The following DCAF6 variants were observed in gnomAD, a reference collection of about 807,000 sequenced individuals.
DCAF6 encodes the protein DDB1- and CUL4-associated factor 6.
In DCAF6, 54 loss-of-function variants were observed where a neutral mutation model predicts 125.1. That is an observed-to-expected ratio of 0.43 (90% CI 0.35 to 0.54). The LOEUF (loss-of-function observed/expected upper bound fraction) is 0.54, where lower values mean the gene tolerates loss of function less well. Among genes scored for constraint, DCAF6 ranks in the 20% least tolerant of loss-of-function variants. The probability of loss-of-function intolerance (pLI) is 0.01; values close to 1 mark genes in which losing one functional copy is unlikely to be tolerated. For missense variants in DCAF6, 934 were observed against 1,161.7 expected, an observed-to-expected ratio of 0.80 and a Z score of 2.85; for synonymous variants, 371 against 390.4, an observed-to-expected ratio of 0.95 and a Z score of 0.58.
At chr1:167,873,737 C>T in the DCAF6 span, among the ~76,000 whole-genome samples, 1 of 151,852 alleles carries the variant, frequency 6.6e-6, no homozygotes, top group Admixed American at 6.6e-5. Context: ...AAGGTAAAAA[C>T]AAAATTTCTG....
Position 168,053,496 on chromosome 1 carries a change from A to G in DCAF6, c.2300+2563A>G, listed in dbSNP as rs542613470. ...TTGATTGCTTGCTACAAAGACTCAA[A>G]AGAATCAAAGGCACTTCAATCATGG... On this transcript the variant is annotated intron_variant, in intron 17 of 21. Coordinates refer to ENST00000367840, the MANE Select transcript of DCAF6 (RefSeq NM_001198956.2). Among the ~76,000 whole-genome samples the G allele has an allele frequency of 2.5e-4, 38 of 152,340 alleles. No individual in the cohort carries two copies. The Middle Eastern group carries it at 0.017, about 68-fold the overall frequency.
upstream of DCAF6, among the ~76,000 whole-genome samples, chr1:167,934,067 C>G (rs1439846964): frequency 6.6e-6 from 1 of 152,188 alleles, no homozygotes; most frequent in Non-Finnish European, 1.5e-5. Flanking sequence ...GCTCCTTTTA[C>G]TACACTGAAA....
chr1:168,065,905 C>T (rs1692268689), intron 19 of DCAF6, among the ~76,000 whole-genome samples, 159 bp downstream of exon 19: 1 of 152,172 alleles, frequency 6.6e-6, no homozygotes, highest in African/African-American at 2.4e-5. Context: ...ACTTCAAACA[C>T]ACCTGTAATC....
At chr1:168,068,705 G>A (rs1572178143) in intron 21 of DCAF6, among the ~76,000 whole-genome samples, 1 of 152,160 alleles carries the variant, frequency 6.6e-6, no homozygotes, top group African/African-American at 2.4e-5. Flanking sequence ...ACTCTTATCA[G>A]CTGCTGTTTT....
intron 16 of DCAF6, among the ~76,000 whole-genome samples, chr1:168,047,104 A>G (rs1689230484): frequency 6.6e-6 from 1 of 152,090 alleles, no homozygotes; most frequent in East Asian, 1.9e-4. Context: ...GTTTTTTGAA[A>G]CACAGTACTA....
rs1179064045 is a variant in DCAF6, at chr1:168,055,341, T to G, written c.2300+4408T>G. On this transcript the variant is annotated intron_variant, in intron 17 of 21. Coordinates refer to ENST00000367840, the MANE Select transcript of DCAF6 (RefSeq NM_001198956.2). ...AAAAATCAGGCTTAAGTTTTTTTTT[T>G]TTTTTTTTTTTTTTTTTTTAACGAA... 7.8e-4 allele frequency among the ~76,000 whole-genome samples: 14 copies of G among 17,952 alleles called. 4 individuals are homozygous for G. Among genetic ancestry groups the G allele is most frequent in the African/African-American group, 2.2e-3 (3 of 1,386 alleles). The allele number at this position is 17,952 out of a possible 152,430, so 11.8% of individuals were successfully genotyped here. A position where few individuals can be genotyped will look rare whatever the true frequency, so the allele number is the denominator to read the frequency against.
intron 20 of DCAF6, among the ~76,000 whole-genome samples, chr1:168,067,747 C>G (rs1377858850): frequency 6.6e-6 from 1 of 152,176 alleles, no homozygotes; most frequent in Non-Finnish European, 1.5e-5. Flanking sequence ...TCCTCTCATA[C>G]TCTTTCTTTC....
the DCAF6 span, chr1:167,878,309 C>G: frequency 1.1e-6 from 1 of 922,540 alleles, no homozygotes. Context: ...ATTTTGAAGT[C>G]TGGGCCTTGG....
chr1:167,928,791 T>G, the DCAF6 span, among the ~76,000 whole-genome samples: 2 of 152,184 alleles, frequency 1.3e-5, no homozygotes, highest in Admixed American at 6.5e-5. Flanking sequence ...AAGTATAAAC[T>G]AACAGATACC....
intron 1 of DCAF6, among the ~76,000 whole-genome samples, chr1:167,939,760 G>A (rs545764275): frequency 9.8e-5 from 13 of 133,010 alleles, no homozygotes; most frequent in Non-Finnish European, 1.3e-4. Context: ...GAAACTCTGC[G>A]TCATAAATAA....
rs1571606297 is a variant in DCAF6, at chr1:167,947,653, ATTG to A, written c.98-4142_98-4140del. On this transcript the variant is annotated intron_variant, in intron 1 of 21. Coordinates refer to ENST00000367840, the MANE Select transcript of DCAF6 (RefSeq NM_001198956.2). ...TTGTCATTCAGGAGCATGTTGTTTA[ATTG>A]TTGTGTATTTGTAAGGTTTGTAAAT... Among the ~76,000 whole-genome samples the A allele has an allele frequency of 2.0e-5, 3 of 151,780 alleles. No individual in the cohort carries two copies. In the South Asian group the frequency reaches 6.2e-4, roughly 32 times the overall value.
At chr1:167,983,479 A>T (rs1449577029) in intron 4 of DCAF6, among the ~76,000 whole-genome samples, 1 of 152,166 alleles carries the variant, frequency 6.6e-6, no homozygotes, top group Non-Finnish European at 1.5e-5. Context: ...GCCTTGAACC[A>T]ATAAGCCTTC....
chr1:168,044,753 C>T (rs1372690888), intron 15 of DCAF6, 82 bp downstream of exon 15: 3 of 1,412,008 alleles, frequency 2.1e-6, no homozygotes, highest in Non-Finnish European at 3.0e-6. Context: ...TAGTTAGAGG[C>T]CATGTTCAAG....
intron 17 of DCAF6, among the ~76,000 whole-genome samples, chr1:168,063,212 C>G (rs1341181333): frequency 1.3e-5 from 2 of 151,954 alleles, no homozygotes; most frequent in Admixed American, 1.3e-4. Context: ...TATATATTAC[C>G]TTTAGTTTCT....
chr1:168,040,869 A>C (rs1474956877), intron 13 of DCAF6, among the ~76,000 whole-genome samples: 2 of 150,148 alleles, frequency 1.3e-5, no homozygotes, highest in Middle Eastern at 3.4e-3. Context: ...TTATTATGCA[A>C]GTATTCAACA....
chr1:167,934,624 C>A (rs1671012168), upstream of DCAF6, among the ~76,000 whole-genome samples: 2 of 152,276 alleles, frequency 1.3e-5, no homozygotes, highest in South Asian at 4.1e-4. Context: ...GATTTAGTAA[C>A]CAGTTCAGAC....
intron 1 of DCAF6, chr1:167,937,294 A>G: frequency 4.7e-6 from 2 of 423,522 alleles, no homozygotes; most frequent in Non-Finnish European, 8.9e-6. Flanking sequence ...ATGGGTTGGG[A>G]CTCGGGAGAC....
the DCAF6 span, among the ~76,000 whole-genome samples, chr1:167,882,344 G>A: frequency 2.5e-4 from 38 of 152,124 alleles, no homozygotes; most frequent in African/African-American, 9.2e-4. Flanking sequence ...AATTAGCCAG[G>A]TGTGGTGGCG....
chr1:168,061,810 C>T (rs1398077192), intron 17 of DCAF6, among the ~76,000 whole-genome samples: 1 of 151,982 alleles, frequency 6.6e-6, no homozygotes, highest in African/African-American at 2.4e-5. Context: ...TAAATTTATA[C>T]AGCCACTTTG....
Sources: gnomAD v4.1 joint callset for allele counts (sites outside exome capture counted in the v4.1 genomes callset) on GRCh38, gnomAD v4.1.1 for gene constraint, MANE v1.5 for transcripts, NCBI Gene and HGNC (gene_info 2026-07-23, HGNC 2026-07-21) for gene names.